Variants in NOL7 observed in about 807,000 individuals in gnomAD.
NOL7 encodes the protein U3 small nucleolar RNA-associated protein NOL7.
NOL7 carries 36 observed loss-of-function variants against 38.4 expected under a neutral mutation model. The observed-to-expected ratio is 0.94, with a 90% CI of 0.72 to 1.24. NOL7 has a LOEUF of 1.24. NOL7 is among the 50% of genes most tolerant of loss of function. NOL7 has a pLI of 0.00. For synonymous variants in NOL7, 142 were observed against 126.5 expected (o/e 1.12, Z -0.82); for missense variants, 350 against 315.1 (o/e 1.11, Z -0.84).
intron 3 of NOL7, among the ~76,000 whole-genome samples, chr6:13,617,397 T>C (rs1764321278): frequency 6.6e-6 from 1 of 152,246 alleles, no homozygotes; most frequent in Non-Finnish European, 1.5e-5. Flanking sequence ...AACTATTAAA[T>C]TAATCCTTTG....
intron 8 of NOL7, among the ~76,000 whole-genome samples, chr6:13,630,314 C>G (rs1010831949): frequency 6.6e-6 from 1 of 152,140 alleles, no homozygotes; most frequent in Non-Finnish European, 1.5e-5. Context: ...TCACACAATT[C>G]AGTATATAAC....
chr6:13,629,030 A>C (rs1285462095), intron 8 of NOL7, among the ~76,000 whole-genome samples: 1 of 152,264 alleles, frequency 6.6e-6, no homozygotes. Flanking sequence ...TCACTAAAGC[A>C]TCTGACATAA....
At chr6:13,628,035 A>G (rs1764670197) in intron 8 of NOL7, among the ~76,000 whole-genome samples, 1 of 152,224 alleles carries the variant, frequency 6.6e-6, no homozygotes, top group East Asian at 1.9e-4. Context: ...CTTTAAAATG[A>G]CAACAACGTA....
downstream of NOL7, among the ~76,000 whole-genome samples, chr6:13,623,323 C>CA (rs781328721): frequency 3.2e-4 from 48 of 152,132 alleles, no homozygotes; most frequent in Non-Finnish European, 5.1e-4. Context: ...CAACAAAGGG[C>CA]AAAAACAGTT....
intron 2 of NOL7, 115 bp downstream of exon 2, chr6:13,615,887 T>G: frequency 4.7e-6 from 5 of 1,070,678 alleles, no homozygotes; most frequent in Non-Finnish European, 6.7e-6. Flanking sequence ...TCACCAAGAT[T>G]GCCTCTGACA....
Position 13,615,530 on chromosome 6 carries a change from G to A in NOL7, c.172G>A (p.Glu58Lys). 1 of 1,557,618 alleles carries A rather than the reference G, an allele frequency of 6.4e-7. No homozygotes were observed. The highest frequency in any genetic ancestry group is 8.7e-7 in the Non-Finnish European group (1 of 1,150,152). Residue 58 changes from glutamate (E) to lysine (K), a missense_variant, in exon 1 of 8, where the codon GAG (glutamate) becomes AAG (lysine). Coordinates refer to ENST00000451315, the MANE Select transcript of NOL7 (RefSeq NM_016167.5). ...GGAGGAAGACGAGGAAGGGGACGAT[G>A]AGTTTGACGATGAGGCCCCGGAGGA... ...PLEEDEEGDD[E>K]FDDEAPEELT... is the part of the protein sequence containing the mutation.
At position 13,615,386 on chromosome 6, in the gene NOL7, C is replaced by G; in HGVS notation, c.28C>G (p.Arg10Gly). 2.6e-6 allele frequency: 4 copies of G among 1,522,538 alleles called. No homozygotes were observed. Among genetic ancestry groups the G allele is most frequent in the Non-Finnish European group, 3.5e-6 (4 of 1,136,724 alleles). The allele number at this position is 1,522,538 out of a possible 1,614,324, so 94.3% of individuals were successfully genotyped here. A position where few individuals can be genotyped will look rare whatever the true frequency, so the allele number is the denominator to read the frequency against. Residue 10 changes from arginine to glycine, a missense_variant, in exon 1 of 8, where the codon CGC (arginine) becomes GGC (glycine). Arg to Gly is a moderately radical substitution (Grantham distance 125, BLOSUM62 -2). Transcript: ENST00000451315. ...GGTGCAGCTCCGACCGCGAGCGTCTCGCGCCCCGGCGTCGGCGGAGGCGAT... is the reference window on the plus strand; with the variant it reads ...GGTGCAGCTCCGACCGCGAGCGTCTGGCGCCCCGGCGTCGGCGGAGGCGAT... MVQLRPRASRAPASAEAMVD... is the reference protein window; with the variant it reads MVQLRPRASGAPASAEAMVD...
chr6:13,623,963 ATAAT>A (rs1235509657), downstream of NOL7, among the ~76,000 whole-genome samples: 1 of 152,208 alleles, frequency 6.6e-6, no homozygotes, highest in Non-Finnish European at 1.5e-5. Flanking sequence ...GTATCATCTA[ATAAT>A]TAGGTCTTAA....
rs1014677118 is a variant in NOL7 at position 13,621,532 on chromosome 6, A to G, written c.*705A>G. On this transcript the variant is annotated 3_prime_UTR_variant, in exon 8 of 8. Transcript: ENST00000451315. ...GTAAATTTTTAATGGCTGGTTAATT[A>G]TATCACTACATTTTATTGCAATATA... 6.5e-6 allele frequency: 1 copy of G among 152,678 alleles called. No homozygotes were observed. Among genetic ancestry groups the G allele is most frequent in the Non-Finnish European group, 1.5e-5 (1 of 68,048 alleles). 9.5% of individuals were successfully genotyped at this position (152,678 alleles called of 1,614,324 possible).
chr6:13,620,256 A>C lies in NOL7; in HGVS notation c.549A>C (p.Arg183Ser). ...LAVRLKDQDL[R>S]DSRQQAAQAF... ...TAAGGCTAAAAGACCAAGATCTGAG[A>C]GATTCAAGGCAACAAGCAGCACAAG... The change falls in exon 6 of 8, where the codon AGA becomes AGC. Residue 183 changes from arginine to serine, a missense_variant. Arg to Ser is a moderately radical substitution (Grantham distance 110, BLOSUM62 -1). Coordinates refer to ENST00000451315, the MANE Select transcript of NOL7 (RefSeq NM_016167.5). The C allele has an allele frequency of 6.2e-7, 1 of 1,614,196 alleles. No individual in the cohort carries two copies. Among genetic ancestry groups the C allele is most frequent in the African/African-American group, 1.3e-5 (1 of 75,078 alleles).
At chr6:13,620,677 C>A in intron 7 of NOL7, 77 bp from the exon 8 acceptor site, 1 of 1,037,046 alleles carries the variant, frequency 9.6e-7, no homozygotes, top group Non-Finnish European at 1.4e-6. Context: ...TTAGTAATTA[C>A]ATTCATATAG....
chr6:13,617,901 G>A, intron 4 of NOL7, 100 bp downstream of exon 4: 1 of 1,246,728 alleles, frequency 8.0e-7, no homozygotes, highest in Non-Finnish European at 1.2e-6. Flanking sequence ...GCCAGCATGG[G>A]CCTGGCCAAG....
chr6:13,620,365 C>T (rs751112006), intron 6 of NOL7, 36 bp downstream of exon 6: 1 of 1,613,684 alleles, frequency 6.2e-7, no homozygotes, highest in South Asian at 1.1e-5. Context: ...TCACTTTTTA[C>T]TGCAAATAAA....
In NOL7 at chr6:13,620,897, T is replaced by C; in HGVS notation, c.*70T>C. 1 of 934,042 alleles carries C rather than the reference T, an allele frequency of 1.1e-6. No individual in the cohort carries two copies. Among genetic ancestry groups the C allele is most frequent in the Non-Finnish European group, 1.6e-6 (1 of 623,044 alleles). The allele number at this position is 934,042 out of a possible 1,614,324, so 57.9% of individuals were successfully genotyped here. A position where few individuals can be genotyped will look rare whatever the true frequency, so the allele number is the denominator to read the frequency against. On this transcript the variant is annotated 3_prime_UTR_variant, in exon 8 of 8. Transcript: ENST00000451315. ...ATCTAATAAATCATTCATAGATCAT[T>C]TTAAAGGATCATTATAAAAATCATA...
chr6:13,632,269 G>A, intron 8 of NOL7: 4 of 1,251,408 alleles, frequency 3.2e-6, no homozygotes, highest in Non-Finnish European at 4.4e-6. Context: ...TCAGGTCCCA[G>A]TTCCCTAACA....
downstream of NOL7, among the ~76,000 whole-genome samples, chr6:13,622,666 C>T (rs1764484010): frequency 6.6e-6 from 1 of 152,172 alleles, no homozygotes; most frequent in African/African-American, 2.4e-5. Context: ...ACATACTATT[C>T]TGACAAGGTA....
chr6:13,618,437 C>T (rs1278651232), intron 5 of NOL7, among the ~76,000 whole-genome samples: 8 of 151,022 alleles, frequency 5.3e-5, no homozygotes, highest in East Asian at 3.9e-4. Flanking sequence ...TTAGTAGAGA[C>T]GGGGTTTCAC....
Position 13,616,539 on chromosome 6 carries a change from T to A in NOL7, c.386+18T>A. On this transcript the variant is annotated intron_variant, in intron 3 of 7. Coordinates refer to ENST00000451315, the MANE Select transcript of NOL7 (RefSeq NM_016167.5). ...CAGACTAAGTAAGTAATGGATCTTTTTATATTACTTGCTTATATACACCCA... is the reference window on the plus strand; with the variant it reads ...CAGACTAAGTAAGTAATGGATCTTTATATATTACTTGCTTATATACACCCA... 1 of 1,546,840 alleles carries A rather than the reference T, an allele frequency of 6.5e-7. No homozygotes were observed. The highest frequency in any genetic ancestry group is 2.2e-5 in the East Asian group (1 of 44,534).
intron 3 of NOL7, among the ~76,000 whole-genome samples, chr6:13,617,059 G>A (rs1420279887): frequency 6.6e-6 from 1 of 151,228 alleles, no homozygotes; most frequent in African/African-American, 2.4e-5. Context: ...TCCCCTTAAG[G>A]CTTTAAATTC....
Sources: gnomAD v4.1 joint callset for allele counts (sites outside exome capture counted in the v4.1 genomes callset) on GRCh38, gnomAD v4.1.1 for gene constraint, MANE v1.5 for transcripts, NCBI Gene and HGNC (gene_info 2026-07-23, HGNC 2026-07-21) for gene names.